The following ABCA13 variants were observed in gnomAD, a reference collection of about 807,000 sequenced individuals.
ABCA13 encodes the protein ATP-binding cassette sub-family A member 13.
In ABCA13, 476 loss-of-function variants were observed where a neutral mutation model predicts 478.7. That is an observed-to-expected ratio of 0.99 (90% CI 0.92 to 1.07). ABCA13 has a LOEUF of 1.07. Ranked by LOEUF, ABCA13 falls within the 50% of genes least tolerant of loss-of-function variation. The pLI is 0.00. For synonymous variants in ABCA13, 2,252 were observed against 2,158.9 expected (o/e 1.04, Z -1.20); for missense variants, 6,060 against 5,910.6 (o/e 1.03, Z -0.83).
chr7:48,210,705 CT>C (rs1785526911), intron 3 of ABCA13, among the ~76,000 whole-genome samples: 1 of 151,880 alleles, frequency 6.6e-6, no homozygotes, highest in Non-Finnish European at 1.5e-5. Context: ...AGAAAAGATA[CT>C]TAATATAATT....
chr7:48,631,131 T>C (rs557862382), intron 59 of ABCA13, among the ~76,000 whole-genome samples: 5 of 152,206 alleles, frequency 3.3e-5, no homozygotes, highest in African/African-American at 1.2e-4. Context: ...GTTGATAGTT[T>C]CTTTTGCTTT....
intron 31 of ABCA13, among the ~76,000 whole-genome samples, chr7:48,360,427 G>C (rs1297631804): frequency 6.6e-6 from 1 of 151,924 alleles, no homozygotes; most frequent in African/African-American, 2.4e-5. Flanking sequence ...TTCCAGAGAA[G>C]GGGAAACATA....
At chr7:48,335,603 C>A in intron 28 of ABCA13, 68 bp downstream of exon 28, 1 of 1,262,126 alleles carries the variant, frequency 7.9e-7, no homozygotes, top group Non-Finnish European at 1.1e-6. Context: ...GACATCAGGG[C>A]TGCCCTGTAG....
At chr7:48,496,565 C>CA (rs1563351484) in intron 48 of ABCA13, among the ~76,000 whole-genome samples, 1 of 151,918 alleles carries the variant, frequency 6.6e-6, no homozygotes, top group East Asian at 1.9e-4. Flanking sequence ...TAAGCCTTTT[C>CA]CTGTTATGAT....
chr7:48,615,513 AG>A, intron 59 of ABCA13, 136 bp downstream of exon 59: 1 of 685,306 alleles, frequency 1.5e-6, no homozygotes, highest in South Asian at 2.3e-5. Context: ...GAAGGCTCTG[AG>A]GGGATAAAAT....
intron 43 of ABCA13, among the ~76,000 whole-genome samples, chr7:48,459,777 G>A (rs1054590544): frequency 4.6e-5 from 7 of 152,134 alleles, no homozygotes; most frequent in Non-Finnish European, 8.8e-5. Flanking sequence ...TATCAAAAAT[G>A]TCTTCCAGAA....
intron 43 of ABCA13, among the ~76,000 whole-genome samples, chr7:48,463,510 C>T (rs1826500732): frequency 6.6e-6 from 1 of 152,162 alleles, no homozygotes; most frequent in Non-Finnish European, 1.5e-5. Flanking sequence ...GAGGGCCACA[C>T]CTCCCAGGAT....
intron 19 of ABCA13, among the ~76,000 whole-genome samples, chr7:48,282,595 G>A (rs1474760044): frequency 2.0e-5 from 3 of 152,132 alleles, no homozygotes; most frequent in East Asian, 3.8e-4. Context: ...CCTGGCCCCG[G>A]ACTCCCTGCC....
rs1345993098 is a variant in ABCA13, at chr7:48,269,043, A to G, written c.2069A>G (p.Tyr690Cys). Residue 690 changes from tyrosine (Y) to cysteine (C), a missense_variant, in exon 16 of 62, where the codon TAT becomes TGT. Physicochemically the swap from Tyr to Cys is radical, Grantham distance 194. Coordinates refer to ENST00000435803, the MANE Select transcript of ABCA13 (RefSeq NM_152701.5). ...GATTGGAAAATGATCAGTGATAATT[A>G]TTTTCAATTTTTGAATAACTTACTC... ...NMDWKMISDNYFQFLNNLLKS... is the reference protein window; with the variant it reads ...NMDWKMISDNCFQFLNNLLKS... The G allele has an allele frequency of 2.5e-6, 4 of 1,604,006 alleles. No individual in the cohort carries two copies. Among genetic ancestry groups the G allele is most frequent in the African/African-American group, 1.3e-5 (1 of 74,750 alleles).
Position 48,574,426 on chromosome 7 carries a change from C to A in ABCA13, c.14355-5798C>A, listed in dbSNP as rs139830995. 1.6e-3 allele frequency among the ~76,000 whole-genome samples: 248 copies of A among 152,216 alleles called. 1 individual carries two copies. The highest frequency in any genetic ancestry group is 5.6e-3 in the African/African-American group (232 of 41,530). On this transcript the variant is annotated intron_variant, in intron 55 of 61. Transcript: ENST00000435803. The stretch of plus-strand genomic sequence containing the variant: ...TCTGCTTAATGACAGTTTCTGTTAT[C>A]CCAGCTGGTTATTCCAGGTTTGTTA...
At chr7:48,511,566 G>C (rs1029085758) in intron 51 of ABCA13, among the ~76,000 whole-genome samples, 1 of 152,102 alleles carries the variant, frequency 6.6e-6, no homozygotes, top group Non-Finnish European at 1.5e-5. Flanking sequence ...CTCTCAGCAA[G>C]CTCTCTGGCA....
chr7:48,426,697 A>G (rs900674597), intron 41 of ABCA13, among the ~76,000 whole-genome samples: 2 of 152,176 alleles, frequency 1.3e-5, no homozygotes, highest in Admixed American at 6.5e-5. Flanking sequence ...ACCTGCACAG[A>G]TGATGCTAAG....
rs1379416006 is a variant in ABCA13, at chr7:48,234,141, A to G, written c.887A>G (p.Glu296Gly). The change falls in exon 8 of 62, where the codon GAA becomes GGA. Residue 296 changes from glutamate (E) to glycine (G), a missense_variant. Around this residue, in one of 3 missense-constraint regions of ABCA13, gnomAD observed 4,423 missense variants for 4,309.1 expected, o/e 1.03. Transcript: ENST00000435803. ...GAACAGATCCTGAACTCTTCAGCTG[A>G]ACTGAAGGAGGTACACATGCTTGAC... ...HTEQILNSSA[E>G]LKEIPTDTSL... is the part of the protein sequence containing the mutation. 3 of 1,613,930 alleles carry G rather than the reference A, an allele frequency of 1.9e-6. No homozygotes were observed. The highest frequency in any genetic ancestry group is 1.3e-5 in the African/African-American group (1 of 75,044).
intron 3 of ABCA13, among the ~76,000 whole-genome samples, chr7:48,219,142 C>T (rs895794274): frequency 2.0e-5 from 3 of 152,006 alleles, no homozygotes; most frequent in Admixed American, 6.6e-5. Flanking sequence ...AGAATGAGAA[C>T]GATTTTCTAA....
chr7:48,521,483 A>C (rs1263634901), intron 53 of ABCA13, among the ~76,000 whole-genome samples: 1 of 152,126 alleles, frequency 6.6e-6, no homozygotes, highest in East Asian at 1.9e-4. Flanking sequence ...ATAAATCCCA[A>C]TGTGCTTTTG....
intron 3 of ABCA13, among the ~76,000 whole-genome samples, chr7:48,219,038 G>A (rs13228285): frequency 7.8e-4 from 119 of 152,204 alleles, no homozygotes; most frequent in African/African-American, 2.8e-3. Flanking sequence ...ATTTATTCCA[G>A]GCACCGTGTG....
intron 55 of ABCA13, among the ~76,000 whole-genome samples, chr7:48,568,042 T>C (rs968478818): frequency 6.6e-6 from 1 of 152,172 alleles, no homozygotes; most frequent in Admixed American, 6.5e-5. Context: ...ATAATTCACA[T>C]ACTATCAAAC....
At chr7:48,613,143 A>G (rs886945593) in intron 58 of ABCA13, among the ~76,000 whole-genome samples, 2 of 151,580 alleles carry the variant, frequency 1.3e-5, no homozygotes, top group Middle Eastern at 3.5e-3. Context: ...TTAGTTCTTT[A>G]TAGTAAGTAT....
chr7:48,258,661 G>A (rs1793742297), intron 15 of ABCA13, among the ~76,000 whole-genome samples: 1 of 151,986 alleles, frequency 6.6e-6, no homozygotes, highest in African/African-American at 2.4e-5. Context: ...TGCAGAAGGG[G>A]TTGGTTTGCT....
Sources: allele counts gnomAD v4.1 joint callset (sites outside exome capture counted in the v4.1 genomes callset), GRCh38; gene constraint gnomAD v4.1.1; regional missense constraint gnomAD v4.1.1; transcripts MANE v1.5; gene names NCBI Gene and HGNC (gene_info 2026-07-23, HGNC 2026-07-21).